Variants in ZNF57 observed in about 807,000 individuals in gnomAD.
The protein encoded by ZNF57 is zinc finger protein 57, also known as zinc finger protein 424.
ZNF57 carries 11 observed loss-of-function variants against 13.4 expected under a neutral mutation model. That is an observed-to-expected ratio of 0.82 (90% CI 0.52 to 1.36). The LOEUF is 1.36. ZNF57 is among the 40% of genes most tolerant of loss of function. The pLI, the probability that ZNF57 is intolerant of heterozygous loss-of-function variation, is 0.00. For synonymous variants in ZNF57, 224 were observed against 238.5 expected (o/e 0.94, Z 0.56); for missense variants, 696 against 667.5 (o/e 1.04, Z -0.47).
In ZNF57 at chr19:2,917,940, G is replaced by C. The variant is rs201376690; in HGVS notation, c.1319G>C (p.Arg440Thr). The C allele has an allele frequency of 2.4e-5, 38 of 1,613,670 alleles. No homozygotes were observed. The highest frequency in any genetic ancestry group is 3.1e-5 in the Non-Finnish European group (36 of 1,179,888). The part of the protein sequence containing the change: ...TWSSTFREHV[R>T]IHTQEQLHKC... ...TCCTCAACGTTTAGAGAACATGTGA[G>C]AATTCACACGCAAGAGCAGCTCCAT... Residue 440 changes from arginine to threonine, a missense_variant, in exon 4 of 4, where the codon AGA (arginine) becomes ACA (threonine). Around this residue, in one of 3 missense-constraint regions of ZNF57, gnomAD observed 645 missense variants for 591.5 expected, o/e 1.09. Coordinates refer to ENST00000306908, the MANE Select transcript of ZNF57 (RefSeq NM_173480.3).
chr19:2,915,304 G>A (rs1423528871), intron 1 of ZNF57: 3 of 507,288 alleles, frequency 5.9e-6, no homozygotes, highest in Non-Finnish European at 1.0e-5. Context: ...AGGAAAATAA[G>A]AGCAGTCGCA....
chr19:2,916,221 G>A lies in ZNF57; in HGVS notation c.274G>A (p.Gly92Ser). 1 of 1,609,978 alleles carries A rather than the reference G, an allele frequency of 6.2e-7. No homozygotes were observed. The highest frequency in any genetic ancestry group is 1.3e-5 in the African/African-American group (1 of 74,774). ...TTTAGAAAAAAATTGTGAAGGCTAT[G>A]GCACTGAAGACCACCACAAAAATCT... ...YTLEKNCEGYGTEDHHKNLRN... is the reference protein window; with the variant it reads ...YTLEKNCEGYSTEDHHKNLRN... Residue 92 changes from glycine to serine, a missense_variant, in exon 3 of 4, where the codon GGC becomes AGC. Gly to Ser is a moderately conservative substitution (Grantham distance 56). Coordinates refer to ENST00000306908, the MANE Select transcript of ZNF57 (RefSeq NM_173480.3).
At chr19:2,916,371 ATTTGT>A in intron 3 of ZNF57, 122 bp downstream of exon 3, 289 of 911,234 alleles carry the variant, frequency 3.2e-4, no homozygotes, top group Non-Finnish European at 4.2e-4. Context: ...AAAAAAAAAA[ATTTGT>A]ATTTGACTAA....
In ZNF57 at chr19:2,903,138, G is replaced by T. The variant is rs571215304; in HGVS notation, c.3+2090G>T. Among the ~76,000 whole-genome samples the T allele has an allele frequency of 3.0e-4, 46 of 152,340 alleles. No homozygotes were observed. The South Asian group carries it at 8.5e-3, about 28-fold the overall frequency. On this transcript the variant is annotated intron_variant, in intron 1 of 3. Coordinates refer to ENST00000306908, the MANE Select transcript of ZNF57 (RefSeq NM_173480.3). ...AGACGATTGTCCTGGAGATGTGCTT[G>T]TGGGCGTTTTAGCCTTTCTGAGGTT... is the stretch of plus-strand genomic sequence containing the variant.
At position 2,917,432 on chromosome 19, in the gene ZNF57, A is replaced by G; in HGVS notation, c.811A>G (p.Met271Val). 3 of 1,614,200 alleles carry G rather than the reference A, an allele frequency of 1.9e-6. No individual in the cohort carries two copies. Among genetic ancestry groups the G allele is most frequent in the African/African-American group, 1.3e-5 (1 of 75,068 alleles). Residue 271 changes from methionine (M) to valine (V), a missense_variant, in exon 4 of 4, where the codon ATG (methionine) becomes GTG (valine). Physicochemically the swap from Met to Val is conservative, Grantham distance 21. This residue lies in a region of ZNF57 where 645 missense variants were observed against 591.5 expected (regional missense o/e 1.09). Transcript: ENST00000306908. Reference protein sequence around the residue: ...FIYPSTFQRHMTTHTGEKPYK... With the variant: ...FIYPSTFQRHVTTHTGEKPYK... ...TTATCCCTCGACATTTCAAAGACAC[A>G]TGACAACACACACTGGAGAGAAGCC...
rs531302803 is a variant in ZNF57 at position 2,917,860 on chromosome 19, G to A, written c.1239G>A (p.Thr413=). 2.7e-5 allele frequency: 44 copies of A among 1,611,700 alleles called. No homozygotes were observed. The highest frequency in any genetic ancestry group is 7.7e-5 in the South Asian group (7 of 90,732). The part of the protein sequence containing the change: ...SSRSFRGHLR[T]HTGEKPYECK... The stretch of plus-strand genomic sequence containing the variant: ...GATCATTCCGAGGTCATTTGAGGAC[G>A]CACACTGGAGAGAAGCCTTATGAGT... Residue 413 remains threonine, a synonymous_variant, in exon 4 of 4, where the codon ACG becomes ACA. Transcript: ENST00000306908.
intron 1 of ZNF57, among the ~76,000 whole-genome samples, chr19:2,902,601 T>C (rs1048777108): frequency 6.6e-6 from 1 of 152,180 alleles, no homozygotes; most frequent in African/African-American, 2.4e-5. Flanking sequence ...TAATAGTTAT[T>C]CTTCCATACA....
Position 2,915,523 on chromosome 19 carries a change from A to G in ZNF57, c.5A>G (p.Asp2Gly). M[D>G]SVVFEDVAVD... is the part of the protein sequence containing the mutation. ...GCACACCTGTGTGGTTTGTCTTAGGACTCAGTGGTCTTTGAGGATGTGGCT... is the reference window on the plus strand; with the variant it reads ...GCACACCTGTGTGGTTTGTCTTAGGGCTCAGTGGTCTTTGAGGATGTGGCT... The change falls in exon 2 of 4, where the codon GAC (aspartate) becomes GGC (glycine). Residue 2 changes from aspartate to glycine, a missense_variant and splice_region_variant. By Grantham distance (94) the Asp-to-Gly change is moderately conservative (BLOSUM62 -1). Transcript: ENST00000306908. 1 of 1,613,664 alleles carries G rather than the reference A, an allele frequency of 6.2e-7. No individual in the cohort carries two copies. The highest frequency in any genetic ancestry group is 1.7e-5 in the Admixed American group (1 of 59,988).
At chr19:2,908,461 GT>G (rs60289248) in intron 1 of ZNF57, among the ~76,000 whole-genome samples, 32 of 122,624 alleles carry the variant, frequency 2.6e-4, no homozygotes, top group East Asian at 2.3e-3. Context: ...TATTTTTTTG[GT>G]TTTTTTTTTT....
intron 1 of ZNF57, among the ~76,000 whole-genome samples, chr19:2,911,676 G>A (rs1003767497): frequency 3.9e-5 from 6 of 152,088 alleles, no homozygotes; most frequent in Non-Finnish European, 8.8e-5. Context: ...ATGAGCCACC[G>A]CACCCAACCT....
chr19:2,902,440 A>C (rs1275271354), intron 1 of ZNF57, among the ~76,000 whole-genome samples: 1 of 152,148 alleles, frequency 6.6e-6, no homozygotes. Flanking sequence ...CAGGCTAAGC[A>C]TGGCCTAAGG....
intron 1 of ZNF57, among the ~76,000 whole-genome samples, chr19:2,913,156 A>T (rs940744898): frequency 6.6e-6 from 1 of 152,082 alleles, no homozygotes; most frequent in African/African-American, 2.4e-5. Flanking sequence ...GTTTCACCAT[A>T]TTGGCTCAGC....
chr19:2,904,050 C>CG (rs775482078), intron 1 of ZNF57, among the ~76,000 whole-genome samples: 117 of 152,210 alleles, frequency 7.7e-4, no homozygotes, highest in Non-Finnish European at 1.2e-3. Flanking sequence ...TTTGTAGAGA[C>CG]GGGGGGCCTC....
chr19:2,915,952 T>C (rs528417623), intron 2 of ZNF57, 126 bp from the exon 3 acceptor site: 23 of 1,096,724 alleles, frequency 2.1e-5, no homozygotes, highest in Middle Eastern at 2.2e-4. Context: ...GTTTGTGAAA[T>C]ACCTAACATT....
chr19:2,909,160 G>C (rs2088106747), intron 1 of ZNF57, among the ~76,000 whole-genome samples: 1 of 151,726 alleles, frequency 6.6e-6, no homozygotes, highest in Admixed American at 6.6e-5. Flanking sequence ...GAACATTTGG[G>C]TACAAATGTT....
chr19:2,908,026 T>G (rs2088091598), intron 1 of ZNF57, among the ~76,000 whole-genome samples: 1 of 152,222 alleles, frequency 6.6e-6, no homozygotes. Flanking sequence ...AATCAAGATT[T>G]GTTTCTCCAT....
At chr19:2,904,294 C>A (rs1290780655) in intron 1 of ZNF57, among the ~76,000 whole-genome samples, 2 of 152,158 alleles carry the variant, frequency 1.3e-5, no homozygotes, top group Non-Finnish European at 2.9e-5. Context: ...TTCAATCATT[C>A]CAGCGTTTGT....
At chr19:2,904,017 T>TG (rs1468104201) in intron 1 of ZNF57, among the ~76,000 whole-genome samples, 1 of 152,148 alleles carries the variant, frequency 6.6e-6, no homozygotes, top group Non-Finnish European at 1.5e-5. Flanking sequence ...GCCCGGCCCA[T>TG]TCCTGGCTAA....
At chr19:2,904,350 T>C (rs904615428) in intron 1 of ZNF57, among the ~76,000 whole-genome samples, 1 of 152,076 alleles carries the variant, frequency 6.6e-6, no homozygotes, top group Non-Finnish European at 1.5e-5. Flanking sequence ...TGTGTACTTA[T>C]TTATTTTTAG....
Sources: allele counts gnomAD v4.1 joint callset (sites outside exome capture counted in the v4.1 genomes callset), GRCh38; gene constraint gnomAD v4.1.1; regional missense constraint gnomAD v4.1.1; transcripts MANE v1.5; gene names NCBI Gene and HGNC (gene_info 2026-07-23, HGNC 2026-07-21).